The following RP1 variants were observed in gnomAD, a reference collection of about 807,000 sequenced individuals.
The protein encoded by RP1 is RP1 axonemal microtubule associated, also known as oxygen-regulated protein 1.
Under a neutral mutation model 14.8 loss-of-function variants are expected in RP1, and 16 were observed. That is an observed-to-expected ratio of 1.08 (90% confidence interval 0.73 to 1.65). The LOEUF is 1.65. Ranked by LOEUF, RP1 falls within the 40% of genes most tolerant of loss-of-function variation. RP1 has a pLI of 0.00. For synonymous variants in RP1, 876 were observed against 883.6 expected, an observed-to-expected ratio of 0.99 and a Z score of 0.15; for missense variants, 2,631 against 2,535.0, an observed-to-expected ratio of 1.04 and a Z score of -0.81.
intron 25 of RP1, among the ~76,000 whole-genome samples, chr8:54,850,177 G>T (rs959078596): frequency 1.3e-5 from 2 of 152,146 alleles, no homozygotes; most frequent in African/African-American, 4.8e-5. Context: ...CTAAATGACA[G>T]TGATAGATGC....
chr8:54,628,717 A>G lies in RP1; in HGVS notation c.4835A>G (p.Asn1612Ser), dbSNP rs372411580. ...QPYKTSSDDPNDSGELTQEKE... is the reference protein window; with the variant it reads ...QPYKTSSDDPSDSGELTQEKE... ...TATAAAACATCCAGTGATGATCCCA[A>G]TGACAGTGGCGAACTTACCCAAGAG... Residue 1612 changes from asparagine (N) to serine (S), a missense_variant, in exon 4 of 4, where the codon AAT becomes AGT. Asn to Ser is a conservative substitution (Grantham distance 46). Transcript: ENST00000220676. The G allele has an allele frequency of 5.0e-6, 8 of 1,613,978 alleles. No individual in the cohort carries two copies. The highest frequency in any genetic ancestry group is 1.7e-5 in the Admixed American group (1 of 60,010).
At chr8:54,846,167 A>G (rs1471252356) in intron 25 of RP1, among the ~76,000 whole-genome samples, 2 of 152,250 alleles carry the variant, frequency 1.3e-5, no homozygotes, top group Non-Finnish European at 2.9e-5. Context: ...TCCAGATTAA[A>G]GACAGAACTA....
chr8:54,677,605 G>C (rs1413113722), intron 8 of RP1, among the ~76,000 whole-genome samples: 1 of 152,038 alleles, frequency 6.6e-6, no homozygotes, highest in Non-Finnish European at 1.5e-5. Flanking sequence ...TACACACCTG[G>C]AGTCCCAGCT....
intron 25 of RP1, among the ~76,000 whole-genome samples, chr8:54,845,618 C>G (rs1200020758): frequency 6.6e-6 from 1 of 152,174 alleles, no homozygotes; most frequent in African/African-American, 2.4e-5. Context: ...AACACAATTA[C>G]CAAATATTCT....
chr8:54,637,715 G>A (rs982062838), intron 3 of RP1, among the ~76,000 whole-genome samples: 8 of 151,632 alleles, frequency 5.3e-5, no homozygotes, highest in Admixed American at 4.6e-4. Context: ...AAATTACAGG[G>A]CTTTCATTAA....
At chr8:54,611,968 A>C (rs1031652804), upstream of RP1, among the ~76,000 whole-genome samples, 35 of 144,484 alleles carry the variant, frequency 2.4e-4, no homozygotes, top group African/African-American at 8.5e-4. Flanking sequence ...TCTCTTTGCC[A>C]AGGATCAGCC....
intron 27 of RP1, among the ~76,000 whole-genome samples, chr8:54,861,276 T>C (rs1004861436): frequency 3.9e-5 from 6 of 152,216 alleles, no homozygotes; most frequent in East Asian, 1.9e-4. Context: ...TCCTGAGTTT[T>C]AAATTTTTTC....
chr8:54,701,830 A>G (rs186091297), intron 14 of RP1, among the ~76,000 whole-genome samples: 1 of 152,192 alleles, frequency 6.6e-6, no homozygotes, highest in African/African-American at 2.4e-5. Context: ...AAGGCAATAG[A>G]GATGACAGCT....
intron 3 of RP1, among the ~76,000 whole-genome samples, chr8:54,637,780 A>T (rs940611794): frequency 1.3e-5 from 2 of 152,064 alleles, no homozygotes; most frequent in Non-Finnish European, 2.9e-5. Flanking sequence ...GTGTATCCTG[A>T]CTACATTTTC....
intron 8 of RP1, among the ~76,000 whole-genome samples, chr8:54,677,485 G>A (rs959092597): frequency 5.9e-5 from 9 of 152,170 alleles, no homozygotes; most frequent in Admixed American, 2.6e-4. Flanking sequence ...CCAGCATGTT[G>A]CGAGGCTGAG....
chr8:54,646,871 A>G (rs886717286), intron 3 of RP1, among the ~76,000 whole-genome samples: 4 of 152,180 alleles, frequency 2.6e-5, no homozygotes, highest in African/African-American at 7.2e-5. Flanking sequence ...ATGGTATTTC[A>G]ATTTATTCAA....
chr8:54,695,583 C>A (rs985106919), intron 12 of RP1, among the ~76,000 whole-genome samples: 13 of 152,168 alleles, frequency 8.5e-5, no homozygotes, highest in Admixed American at 3.3e-4. Context: ...GAAAATTATT[C>A]TTAGAACATT....
intron 24 of RP1, among the ~76,000 whole-genome samples, chr8:54,795,426 G>A (rs1006608101): frequency 1.3e-5 from 2 of 152,138 alleles, no homozygotes; most frequent in East Asian, 1.9e-4. Context: ...AAAACATATC[G>A]TTGATTTTCA....
chr8:54,725,065 C>T (rs976688562), intron 16 of RP1, among the ~76,000 whole-genome samples: 1 of 152,184 alleles, frequency 6.6e-6, no homozygotes, highest in Non-Finnish European at 1.5e-5. Context: ...TATGTGGTCT[C>T]TCTCTGGGCT....
chr8:54,731,047 A>T (rs1808782749), intron 17 of RP1, among the ~76,000 whole-genome samples: 1 of 152,144 alleles, frequency 6.6e-6, no homozygotes, highest in African/African-American at 2.4e-5. Context: ...GGAATAGCAT[A>T]TAGAGGCTAT....
chr8:54,698,116 G>A (rs910402337), intron 12 of RP1, among the ~76,000 whole-genome samples: 18 of 152,256 alleles, frequency 1.2e-4, no homozygotes, highest in Admixed American at 3.3e-4. Context: ...CCTACAGAAT[G>A]GGAGAAAAGT....
At chr8:54,589,737 T>C (rs1179092881) in intron 1 of RP1, among the ~76,000 whole-genome samples, 1 of 152,188 alleles carries the variant, frequency 6.6e-6, no homozygotes, top group East Asian at 1.9e-4. Context: ...TTCTTCAATT[T>C]TCCCCACCAA....
At position 54,627,718 on chromosome 8, in the gene RP1, C is replaced by A. The variant is rs1336793392; in HGVS notation, c.3836C>A (p.Thr1279Asn). ...AAAGAGACATGTAACCCCAGTGACACTTTTTTTCCTAGTGATGGTTATGGT... is the reference window on the plus strand; with the variant it reads ...AAAGAGACATGTAACCCCAGTGACAATTTTTTTCCTAGTGATGGTTATGGT... ...SPKETCNPSD[T>N]FFPSDGYGVD... Residue 1279 changes from threonine to asparagine, a missense_variant, in exon 4 of 4, where the codon ACT (threonine) becomes AAT (asparagine). Thr to Asn is a moderately conservative substitution (Grantham distance 65, BLOSUM62 0). Transcript: ENST00000220676. 2 of 1,614,134 alleles carry A rather than the reference C, an allele frequency of 1.2e-6. No homozygotes were observed. The highest frequency in any genetic ancestry group is 1.7e-6 in the Non-Finnish European group (2 of 1,179,968).
chr8:54,710,463 T>G (rs1429026058), intron 15 of RP1, among the ~76,000 whole-genome samples: 2 of 152,216 alleles, frequency 1.3e-5, no homozygotes, highest in African/African-American at 4.8e-5. Flanking sequence ...ATCAGTTCTG[T>G]GGGCCCTTTG....
Sources: allele counts gnomAD v4.1 joint callset (sites outside exome capture counted in the v4.1 genomes callset), GRCh38; gene constraint gnomAD v4.1.1; transcripts MANE v1.5; gene names NCBI Gene and HGNC (gene_info 2026-07-23, HGNC 2026-07-21).